The following ATP8A1 variants were observed in gnomAD, a reference collection of about 807,000 sequenced individuals.
The protein encoded by ATP8A1 is ATPase phospholipid transporting 8A1, also known as phospholipid-transporting ATPase IA.
A neutral mutation model predicts 177.7 loss-of-function variants in ATP8A1; 90 were observed. The ratio of observed to expected loss-of-function variants is 0.51; its 90% CI spans 0.43 to 0.60. The LOEUF (loss-of-function observed/expected upper bound fraction) is 0.60. ATP8A1 is among the 20% of genes least tolerant of loss of function. The probability of loss-of-function intolerance (pLI) is 0.00; values close to 1 mark genes in which losing one functional copy is unlikely to be tolerated. For missense variants in ATP8A1, 1,072 were observed against 1,392.8 expected (o/e 0.77, Z 3.67); for synonymous variants, 493 against 485.9 (o/e 1.01, Z -0.19).
rs767466301 is a variant in ATP8A1, at chr4:42,464,683, C to T, written c.2619+7G>A. ...TGACAAGGATTTAAAATTTAACCTG[C>T]TATTACCTCGATAATATAGAGCACT... On this transcript the variant is annotated splice_region_variant and intron_variant, in intron 27 of 36. Transcript: ENST00000381668. 1 of 1,502,908 alleles carries T rather than the reference C, an allele frequency of 6.7e-7. No homozygotes were observed. The highest frequency in any genetic ancestry group is 1.3e-5 in the South Asian group (1 of 79,956). 93.1% of individuals were successfully genotyped at this position (1,502,908 alleles called of 1,614,324 possible). A position where few individuals can be genotyped will look rare whatever the true frequency, so the allele number is the denominator to read the frequency against.
intron 33 of ATP8A1, among the ~76,000 whole-genome samples, chr4:42,439,480 G>A (rs191110379): frequency 2.4e-4 from 37 of 152,284 alleles, no homozygotes; most frequent in African/African-American, 7.7e-4. Flanking sequence ...TCTAAAACAC[G>A]GAAGCAAGCA....
chr4:42,644,294 A>G (rs1478698732), intron 1 of ATP8A1, among the ~76,000 whole-genome samples: 1 of 152,144 alleles, frequency 6.6e-6, no homozygotes, highest in Non-Finnish European at 1.5e-5. Context: ...AAATTAAGAG[A>G]GTTTTTTCTT....
chr4:42,604,953 G>C (rs182966342), intron 5 of ATP8A1, among the ~76,000 whole-genome samples: 12 of 152,336 alleles, frequency 7.9e-5, no homozygotes, highest in African/African-American at 2.9e-4. Flanking sequence ...ATGTACATAA[G>C]ATGCCAAGAA....
Position 42,486,544 on chromosome 4 carries a change from C to T in ATP8A1, c.2152-876G>A, listed in dbSNP as rs144158220. On this transcript the variant is annotated intron_variant, in intron 24 of 36. Coordinates refer to ENST00000381668, the MANE Select transcript of ATP8A1 (RefSeq NM_006095.2). ...AACCTCTACTTTACTTTTTACACGA[C>T]CATGCAATCACAATACGGCAAACAT... Among the ~76,000 whole-genome samples the T allele has an allele frequency of 3.0e-3, 459 of 152,266 alleles. 2 individuals carry two copies. The highest frequency in any genetic ancestry group is 9.9e-3 in the African/African-American group (413 of 41,554).
At chr4:42,563,568 G>A (rs530112002) in intron 15 of ATP8A1, among the ~76,000 whole-genome samples, 2 of 152,308 alleles carry the variant, frequency 1.3e-5, no homozygotes, top group South Asian at 4.1e-4. Context: ...TGTCTCCAGG[G>A]CATGTCAGAG....
chr4:42,656,228 A>C (rs1741599302), intron 1 of ATP8A1, among the ~76,000 whole-genome samples: 1 of 152,234 alleles, frequency 6.6e-6, no homozygotes, highest in South Asian at 2.1e-4. Flanking sequence ...AGCTGGCCGA[A>C]GTGAGGGTTT....
chr4:42,651,492 T>C (rs1218987838), intron 1 of ATP8A1, among the ~76,000 whole-genome samples: 1 of 152,204 alleles, frequency 6.6e-6, no homozygotes, highest in African/African-American at 2.4e-5. Flanking sequence ...GGTATGTCTT[T>C]ATCAGCAGTG....
intron 1 of ATP8A1, among the ~76,000 whole-genome samples, chr4:42,634,918 CATT>C (rs1346854011): frequency 1.3e-5 from 2 of 152,100 alleles, no homozygotes; most frequent in African/African-American, 4.8e-5. Flanking sequence ...GTGAGGATGA[CATT>C]ATGTTAGCAA....
chr4:42,546,588 A>C (rs1047434198), intron 19 of ATP8A1, among the ~76,000 whole-genome samples: 10 of 151,768 alleles, frequency 6.6e-5, no homozygotes, highest in South Asian at 2.1e-4. Flanking sequence ...TAATAAAAAA[A>C]AAAAAAACAA....
intron 20 of ATP8A1, among the ~76,000 whole-genome samples, chr4:42,528,158 G>A (rs185845555): frequency 6.6e-6 from 1 of 152,136 alleles, no homozygotes; most frequent in African/African-American, 2.4e-5. Flanking sequence ...TGGGTCTCCG[G>A]GCTCATCCTG....
intron 22 of ATP8A1, among the ~76,000 whole-genome samples, chr4:42,514,883 T>A (rs1350124350): frequency 6.6e-6 from 1 of 152,198 alleles, no homozygotes; most frequent in Non-Finnish European, 1.5e-5. Context: ...GTTCTGCAGA[T>A]GAAATTACAC....
At chr4:42,476,634 G>A (rs2153186959) in intron 25 of ATP8A1, among the ~76,000 whole-genome samples, 1 of 151,672 alleles carries the variant, frequency 6.6e-6, no homozygotes, top group East Asian at 1.9e-4. Flanking sequence ...AAAGTTAACA[G>A]AAGAACATGC....
At chr4:42,532,028 G>A (rs952619748) in intron 20 of ATP8A1, among the ~76,000 whole-genome samples, 4 of 152,076 alleles carry the variant, frequency 2.6e-5, no homozygotes, top group African/African-American at 9.7e-5. Flanking sequence ...TGTGAGCACA[G>A]GAAGTCAAGG....
At position 42,541,390 on chromosome 4, in the gene ATP8A1, T is replaced by G. The variant is rs575786941; in HGVS notation, c.1722+2527A>C. Among the ~76,000 whole-genome samples the G allele has an allele frequency of 7.2e-5, 11 of 152,330 alleles. No individual in the cohort carries two copies. In the East Asian group the frequency reaches 2.1e-3, roughly 29 times the overall value. The stretch of plus-strand genomic sequence containing the variant: ...ACAACTTCAAACGTGGGTGAAGATG[T>G]GGAGCAACAAAAGCTCTCATTAATT... On this transcript the variant is annotated intron_variant, in intron 20 of 36. Coordinates refer to ENST00000381668, the MANE Select transcript of ATP8A1 (RefSeq NM_006095.2).
chr4:42,592,049 T>C (rs949810174), intron 6 of ATP8A1, among the ~76,000 whole-genome samples: 1 of 152,146 alleles, frequency 6.6e-6, no homozygotes, highest in Non-Finnish European at 1.5e-5. Context: ...ATGAGGTTAA[T>C]GTAGATTCAA....
intron 1 of ATP8A1, among the ~76,000 whole-genome samples, chr4:42,655,726 A>G (rs563711869): frequency 3.2e-4 from 48 of 152,282 alleles, no homozygotes; most frequent in African/African-American, 9.9e-4. Flanking sequence ...GCAATCAGAA[A>G]ATTTCAGGGA....
chr4:42,597,422 A>AT (rs1188851891), intron 6 of ATP8A1, among the ~76,000 whole-genome samples: 2 of 151,796 alleles, frequency 1.3e-5, no homozygotes, highest in East Asian at 3.9e-4. Context: ...ACATAGTACT[A>AT]TTTTTTTTCA....
chr4:42,416,622 G>A (rs890082795), intron 35 of ATP8A1, among the ~76,000 whole-genome samples: 1 of 152,098 alleles, frequency 6.6e-6, no homozygotes, highest in Non-Finnish European at 1.5e-5. Context: ...GAAAGATCAT[G>A]GGCTCTGGAG....
intron 22 of ATP8A1, among the ~76,000 whole-genome samples, chr4:42,514,413 T>C (rs1279063189): frequency 6.6e-6 from 1 of 152,216 alleles, no homozygotes; most frequent in Non-Finnish European, 1.5e-5. Context: ...GAGCATGTGA[T>C]TAGAGATCTA....
Sources: allele counts gnomAD v4.1 joint callset (sites outside exome capture counted in the v4.1 genomes callset), GRCh38; gene constraint gnomAD v4.1.1; transcripts MANE v1.5; gene names NCBI Gene and HGNC (gene_info 2026-07-23, HGNC 2026-07-21).